Variants in MSRA observed in about 807,000 individuals in gnomAD.
The protein encoded by MSRA is methionine sulfoxide reductase A.
Under a neutral mutation model 31.3 loss-of-function variants are expected in MSRA, and 54 were observed. The observed-to-expected ratio is 1.73, with a 90% CI of 1.39 to 2.17. The LOEUF (loss-of-function observed/expected upper bound fraction) is 2.17, where lower values mean the gene tolerates loss of function less well. MSRA is among the 30% of genes most tolerant of loss of function. MSRA has a pLI of 0.00. For missense variants in MSRA, 507 were observed against 300.9 expected, an observed-to-expected ratio of 1.69 and a Z score of -5.07; for synonymous variants, 169 against 116.5, an observed-to-expected ratio of 1.45 and a Z score of -2.90.
At chr8:10,095,571 G>C in intron 1 of MSRA, 1 of 985,794 alleles carries the variant, frequency 1.0e-6, no homozygotes, top group Non-Finnish European at 1.2e-6. Flanking sequence ...AGAGAAAGAG[G>C]GAGAGAGAGA....
intron 3 of MSRA, among the ~76,000 whole-genome samples, chr8:10,251,256 G>T (rs1005521163): frequency 6.6e-6 from 1 of 151,930 alleles, no homozygotes; most frequent in Non-Finnish European, 1.5e-5. Context: ...TTGGGTGGAA[G>T]CGCATGTCTA....
intron 1 of MSRA, among the ~76,000 whole-genome samples, chr8:10,206,280 C>T (rs1217315685): frequency 6.6e-6 from 1 of 152,210 alleles, no homozygotes; most frequent in African/African-American, 2.4e-5. Context: ...GTCCTTCCAT[C>T]ACACAGCTGG....
intron 5 of MSRA, among the ~76,000 whole-genome samples, chr8:10,407,376 C>T (rs974970103): frequency 1.3e-4 from 20 of 152,234 alleles, no homozygotes; most frequent in Admixed American, 3.3e-4. Context: ...TGGCAGCAGT[C>T]CAGACAAAGG....
At chr8:10,414,467 G>T (rs954473490) in intron 5 of MSRA, among the ~76,000 whole-genome samples, 1 of 152,176 alleles carries the variant, frequency 6.6e-6, no homozygotes, top group African/African-American at 2.4e-5. Flanking sequence ...CCTAGCGTTG[G>T]CACTGAAAGT....
chr8:10,425,980 T>G (rs1485548004), intron 5 of MSRA, among the ~76,000 whole-genome samples: 1 of 152,232 alleles, frequency 6.6e-6, no homozygotes, highest in Non-Finnish European at 1.5e-5. Flanking sequence ...CTGGAGCAGA[T>G]GGCACCCCCC....
At chr8:10,320,260 G>T in intron 5 of MSRA, 1 of 247,816 alleles carries the variant, frequency 4.0e-6, no homozygotes, top group Non-Finnish European at 7.7e-6. Flanking sequence ...TTGAGGCCAG[G>T]AGTTCGAGAC....
rs114587043 is a variant in MSRA at position 10,166,742 on chromosome 8, G to T, written c.143-41091G>T. ...ACTCTGTGACATTTTTACCATCTTA[G>T]CTGGGCCCTTGCTTGTTGGTGGTTT... On this transcript the variant is annotated intron_variant, in intron 1 of 5. Coordinates refer to ENST00000317173, the MANE Select transcript of MSRA (RefSeq NM_012331.5). 2.8e-3 allele frequency among the ~76,000 whole-genome samples: 420 copies of T among 152,130 alleles called. 2 individuals carry two copies. The highest frequency in any genetic ancestry group is 9.7e-3 in the African/African-American group (401 of 41,488).
intron 4 of MSRA, among the ~76,000 whole-genome samples, chr8:10,309,375 G>A (rs762883959): frequency 6.6e-6 from 1 of 152,258 alleles, no homozygotes; most frequent in East Asian, 1.9e-4. Context: ...TCTAATAGCT[G>A]TCGTGCTCAT....
At chr8:10,215,801 C>G (rs1333260440) in intron 2 of MSRA, among the ~76,000 whole-genome samples, 3 of 152,184 alleles carry the variant, frequency 2.0e-5, no homozygotes, top group Non-Finnish European at 4.4e-5. Flanking sequence ...AATTTTTTCA[C>G]TTTTTGCAGT....
At chr8:10,414,106 G>T (rs935960082) in intron 5 of MSRA, among the ~76,000 whole-genome samples, 1 of 152,158 alleles carries the variant, frequency 6.6e-6, no homozygotes, top group African/African-American at 2.4e-5. Context: ...GTTTGAGGCT[G>T]CAGTGAGCCG....
At chr8:10,126,657 C>T (rs974554388) in intron 1 of MSRA, among the ~76,000 whole-genome samples, 3 of 152,100 alleles carry the variant, frequency 2.0e-5, no homozygotes, top group Admixed American at 1.3e-4. Flanking sequence ...GGATTATAGG[C>T]GTCTGCCACC....
At chr8:10,333,292 C>G (rs991693328) in intron 5 of MSRA, among the ~76,000 whole-genome samples, 1 of 152,162 alleles carries the variant, frequency 6.6e-6, no homozygotes, top group Non-Finnish European at 1.5e-5. Flanking sequence ...TACGGTGTAT[C>G]CAGATGAATC....
At chr8:10,163,815 C>A (rs1804879607) in intron 1 of MSRA, among the ~76,000 whole-genome samples, 2 of 152,256 alleles carry the variant, frequency 1.3e-5, no homozygotes, top group African/African-American at 4.8e-5. Context: ...ATGGACACCG[C>A]ATGCTGGTGT....
At chr8:10,168,260 C>A (rs1023451403) in intron 1 of MSRA, among the ~76,000 whole-genome samples, 1 of 152,144 alleles carries the variant, frequency 6.6e-6, no homozygotes, top group Non-Finnish European at 1.5e-5. Context: ...TATTAATAAT[C>A]TTGGTTCTAA....
chr8:10,379,598 C>T lies in MSRA; in HGVS notation c.544-48550C>T, dbSNP rs915120226. ...TTCCCCCCTCTTCCCCTCTGGCACC[C>T]TGGTCTCCTCCCAGACACTCAGCTT... On this transcript the variant is annotated intron_variant, in intron 5 of 5. Coordinates refer to ENST00000317173, the MANE Select transcript of MSRA (RefSeq NM_012331.5). Among the ~76,000 whole-genome samples, 4 of 152,226 alleles carry T rather than the reference C, an allele frequency of 2.6e-5. No homozygotes were observed. The South Asian group carries it at 8.3e-4, about 31-fold the overall frequency.
chr8:10,388,854 C>T (rs1055854795), intron 5 of MSRA, among the ~76,000 whole-genome samples: 4 of 151,700 alleles, frequency 2.6e-5, no homozygotes, highest in Admixed American at 6.6e-5. Context: ...TTGCTGCTTC[C>T]CCTGCGACCC....
chr8:10,088,132 T>A (rs1282796345), intron 1 of MSRA, among the ~76,000 whole-genome samples: 2 of 152,186 alleles, frequency 1.3e-5, no homozygotes, highest in African/African-American at 2.4e-5. Flanking sequence ...ACTTCCTGTT[T>A]CTTCTGCCAC....
intron 4 of MSRA, among the ~76,000 whole-genome samples, chr8:10,311,450 A>C (rs183247020): frequency 6.6e-6 from 1 of 150,578 alleles, no homozygotes; most frequent in Non-Finnish European, 1.5e-5. Context: ...CCCAGTGGAC[A>C]TAAGATGCTG....
chr8:10,206,753 C>T (rs936505330), intron 1 of MSRA, among the ~76,000 whole-genome samples: 2 of 152,232 alleles, frequency 1.3e-5, no homozygotes, highest in African/African-American at 4.8e-5. Flanking sequence ...TCTCCTGCTA[C>T]AATTACCTGC....
Sources: allele counts gnomAD v4.1 joint callset (sites outside exome capture counted in the v4.1 genomes callset), GRCh38; gene constraint gnomAD v4.1.1; transcripts MANE v1.5; gene names NCBI Gene and HGNC (gene_info 2026-07-23, HGNC 2026-07-21).